The following NOTCH1 variants were observed in gnomAD, a reference collection of about 807,000 sequenced individuals.
The protein encoded by NOTCH1 is neurogenic locus notch homolog protein 1.
Under a neutral mutation model 254.8 loss-of-function variants are expected in NOTCH1, and 37 were observed. The ratio of observed to expected loss-of-function variants is 0.15; its 90% CI spans 0.11 to 0.19. NOTCH1 has a LOEUF of 0.19. Ranked by LOEUF, NOTCH1 falls within the 10% of genes least tolerant of loss-of-function variation. The probability of loss-of-function intolerance (pLI) is 1.00; values close to 1 mark genes in which losing one functional copy is unlikely to be tolerated. For synonymous variants in NOTCH1, 1,731 were observed against 1,618.1 expected, an observed-to-expected ratio of 1.07 and a Z score of -1.68; for missense variants, 2,972 against 3,708.6, an observed-to-expected ratio of 0.80 and a Z score of 5.16.
At chr9:136,504,585 A>G in intron 26 of NOTCH1, 88 bp downstream of exon 26, 1 of 1,347,712 alleles carries the variant, frequency 7.4e-7, no homozygotes, top group Non-Finnish European at 9.9e-7. Context: ...ACTGCTTGCC[A>G]TGGCGCCGGC....
Position 136,496,448 on chromosome 9 carries a change from G to A in NOTCH1, c.7291C>T (p.Arg2431Trp), listed in dbSNP as rs758410389. ...CTCGGCTCTCCACTCAGGAAGCTCC[G>A]GCCCAGGTGGCCGCTGGCTGCTGAG... ...VSSAASGHLG[R>W]SFLSGEPSQA... The change falls in exon 34 of 34, where the codon CGG becomes TGG. Residue 2431 changes from arginine to tryptophan, a missense_variant. By Grantham distance (101) the Arg-to-Trp change is moderately radical (BLOSUM62 -3). This residue lies in a region of NOTCH1 where 529 missense variants were observed against 529.2 expected (regional missense o/e 1.00). Coordinates refer to ENST00000651671, the MANE Select transcript of NOTCH1 (RefSeq NM_017617.5). 1.2e-5 allele frequency: 19 copies of A among 1,600,070 alleles called. No homozygotes were observed. The highest frequency in any genetic ancestry group is 8.3e-5 in the Admixed American group (5 of 59,972).
intron 2 of NOTCH1, among the ~76,000 whole-genome samples, chr9:136,524,839 T>C (rs1385893352): frequency 2.6e-5 from 4 of 152,108 alleles, no homozygotes; most frequent in African/African-American, 7.2e-5. Flanking sequence ...GGTTTCACCA[T>C]GTTGGCCAGG....
intron 12 of NOTCH1, 32 bp downstream of exon 12, chr9:136,515,258 T>C (rs1383116244): frequency 1.3e-6 from 2 of 1,592,812 alleles, no homozygotes; most frequent in African/African-American, 1.3e-5. Context: ...CTGAGCACAG[T>C]GCAGTCAGCC....
Position 136,511,167 on chromosome 9 carries a change from G to A in NOTCH1, c.2572C>T (p.Pro858Ser), listed in dbSNP as rs1399644834. Residue 858 changes from proline (P) to serine (S), a missense_variant, in exon 16 of 34, where the codon CCC (proline) becomes TCC (serine). Transcript: ENST00000651671. ...CCAGCCTCACCTTGCCAGCCCGTGGGGCAGACACAGGAGAAGCTCTCATAG... is the reference window on the plus strand; with the variant it reads ...CCAGCCTCACCTTGCCAGCCCGTGGAGCAGACACAGGAGAAGCTCTCATAG... ...EDYESFSCVC[P>S]TGWQGQTCEV... 6.2e-7 allele frequency: 1 copy of A among 1,612,866 alleles called. No homozygotes were observed. The highest frequency in any genetic ancestry group is 8.5e-7 in the Non-Finnish European group (1 of 1,180,004).
chr9:136,534,711 C>T (rs1052759261), intron 2 of NOTCH1, among the ~76,000 whole-genome samples: 3 of 152,170 alleles, frequency 2.0e-5, no homozygotes, highest in Non-Finnish European at 4.4e-5. Flanking sequence ...TGGCCACTCA[C>T]AGACTGTGAT....
intron 27 of NOTCH1, 170 bp downstream of exon 27, chr9:136,503,011 AG>A: frequency 1.1e-6 from 1 of 948,732 alleles, no homozygotes; most frequent in Non-Finnish European, 1.6e-6. Flanking sequence ...TGACCGCCGC[AG>A]GTGGGGGCGG....
rs751874720 is a variant in NOTCH1 at position 136,506,561 on chromosome 9, T to A, written c.3980A>T (p.Asn1327Ile). Residue 1327 changes from asparagine (N) to isoleucine (I), a missense_variant, in exon 24 of 34, where the codon AAC (asparagine) becomes ATC (isoleucine). By Grantham distance (149) the Asn-to-Ile change is moderately radical. Transcript: ENST00000651671. This position sits in a 1 kb window ranked among gnomAD's most constrained non-coding sequence, Gnocchi z 4.5. ...CTTGCAGATGAACCCGCGGGCGGTGTTGGAGGCCACGGCGCAGGTGCCCCC... is the reference window on the plus strand; with the variant it reads ...CTTGCAGATGAACCCGCGGGCGGTGATGGAGGCCACGGCGCAGGTGCCCCC... ...KNGGTCAVAS[N>I]TARGFICKCP... 6.2e-7 allele frequency: 1 copy of A among 1,609,926 alleles called. No individual in the cohort carries two copies. Among genetic ancestry groups the A allele is most frequent in the African/African-American group, 1.3e-5 (1 of 74,834 alleles).
chr9:136,543,989 G>C (rs191566757), intron 2 of NOTCH1, 35 bp downstream of exon 2: 13 of 1,545,442 alleles, frequency 8.4e-6, no homozygotes, highest in South Asian at 3.6e-5. Flanking sequence ...CTCTGCCCTC[G>C]ACAAAGCAAC....
At position 136,510,697 on chromosome 9, in the gene NOTCH1, T is replaced by C. The variant is rs1275085350; in HGVS notation, c.2696A>G (p.Tyr899Cys). The C allele has an allele frequency of 1.2e-6, 2 of 1,610,146 alleles. No individual in the cohort carries two copies. The highest frequency in any genetic ancestry group is 1.7e-5 in the Admixed American group (1 of 59,960). ...GTCGGTCTCGCAGTTGCGCCCACTG[T>C]AGCCGGCCTGGCAGTGGCAGCGGTA... ...GGYRCHCQAG[Y>C]SGRNCETDID... is the part of the protein sequence containing the mutation. The change falls in exon 17 of 34, where the codon TAC becomes TGC. Residue 899 changes from tyrosine to cysteine, a missense_variant. Tyr to Cys is a radical substitution (Grantham distance 194, BLOSUM62 -2). This residue lies in a region of NOTCH1 where 1,343 missense variants were observed against 1,557.0 expected (regional missense o/e 0.86). Coordinates refer to ENST00000651671, the MANE Select transcript of NOTCH1 (RefSeq NM_017617.5).
chr9:136,528,383 C>T, intron 2 of NOTCH1, among the ~76,000 whole-genome samples: 1 of 133,428 alleles, frequency 7.5e-6, no homozygotes, highest in African/African-American at 2.9e-5. Flanking sequence ...CAAGGATGGG[C>T]AGGGACAGTG....
Position 136,506,571 on chromosome 9 carries a change from C to T in NOTCH1, c.3970G>A (p.Val1324Met), listed in dbSNP as rs149057410. The change falls in exon 24 of 34, where the codon GTG becomes ATG. Residue 1324 changes from valine (V) to methionine (M), a missense_variant. Val to Met is a conservative substitution (Grantham distance 21). Transcript: ENST00000651671. This position sits in a 1 kb window ranked among gnomAD's most constrained non-coding sequence, Gnocchi z 4.5. Reference protein sequence around the residue: ...KPCKNGGTCAVASNTARGFIC... With the variant: ...KPCKNGGTCAMASNTARGFIC... ...AACCCGCGGGCGGTGTTGGAGGCCA[C>T]GGCGCAGGTGCCCCCATTCTTGCAG... The T allele has an allele frequency of 9.0e-5, 145 of 1,610,470 alleles. No homozygotes were observed. The African/African-American group carries it at 1.5e-3, about 17-fold the overall frequency.
chr9:136,516,115 G>A, intron 9 of NOTCH1, 21 bp from the exon 10 acceptor site: 2 of 1,567,000 alleles, frequency 1.3e-6, no homozygotes, highest in Middle Eastern at 1.7e-4. Context: ...GGAGGGGAGG[G>A]GAGGGAGTCA....
intron 26 of NOTCH1, 35 bp downstream of exon 26, chr9:136,504,638 G>A (rs1250873066): frequency 2.0e-6 from 3 of 1,483,544 alleles, no homozygotes; most frequent in Admixed American, 2.3e-5. Flanking sequence ...CAGGAGAGTT[G>A]CGGGGATTGA....
chr9:136,526,653 G>A (rs932719644), intron 2 of NOTCH1, among the ~76,000 whole-genome samples: 9 of 152,224 alleles, frequency 5.9e-5, no homozygotes, highest in African/African-American at 1.9e-4. Context: ...AATGGACCAC[G>A]ACACTCTGCC....
Position 136,513,487 on chromosome 9 carries a change from TTGA to T in NOTCH1, c.2255_2257del (p.Ile752del). 6.2e-7 allele frequency: 1 copy of T among 1,613,230 alleles called. No individual in the cohort carries two copies. Among genetic ancestry groups the T allele is most frequent in the Non-Finnish European group, 8.5e-7 (1 of 1,179,972 alleles). On this transcript the variant is annotated inframe_deletion, in exon 14 of 34. Transcript: ENST00000651671. The surrounding 1 kb of genome is among the most constrained non-coding windows in gnomAD (Gnocchi z 4.7). ...AGGGTTGGATTCACACTCATTGTTG[TTGA>T]TGTCACAGTTGGTCCCACTCCACCC...
rs533102436 is a variant in NOTCH1 at position 136,505,064 on chromosome 9, C to T, written c.4627G>A (p.Gly1543Arg). Residue 1543 changes from glycine to arginine, a missense_variant, in exon 26 of 34, where the codon GGG becomes AGG. This residue lies in a region of NOTCH1 where 1,343 missense variants were observed against 1,557.0 expected (regional missense o/e 0.86). Transcript: ENST00000651671. ...DQYCKDHFSD[G>R]HCDQGCNSAE... ...CTGTTGCAGCCCTGGTCGCAGTGCC[C>T]GTCGCTGAAGTGGTCCTTGCAGTAC... 7.4e-6 allele frequency: 12 copies of T among 1,611,066 alleles called. No homozygotes were observed. In the East Asian group the frequency reaches 1.6e-4, roughly 21 times the overall value.
At chr9:136,518,382 A>G (rs1359114991) in intron 6 of NOTCH1, 90 bp from the exon 7 acceptor site, 19 of 1,509,966 alleles carry the variant, frequency 1.3e-5, no homozygotes. Context: ...CTGACACCCC[A>G]GGAGGAGCTG....
rs1322370063 is a variant in NOTCH1, at chr9:136,523,271, G to T, written c.404-83C>A. ...TTCCCTCCCTTCAGGCCACCTGGAG[G>T]TGCCAGCCTGGGCTCCACCTTAGGT... On this transcript the variant is annotated intron_variant, in intron 3 of 33. Coordinates refer to ENST00000651671, the MANE Select transcript of NOTCH1 (RefSeq NM_017617.5). 12 of 1,376,786 alleles carry T rather than the reference G, an allele frequency of 8.7e-6. No homozygotes were observed. In the South Asian group the frequency reaches 1.5e-4, roughly 17 times the overall value. 85.3% of individuals were successfully genotyped at this position (1,376,786 alleles called of 1,614,324 possible).
In NOTCH1 at chr9:136,496,171, G is replaced by A. The variant is rs1554826328; in HGVS notation, c.7568C>T (p.Ser2523Leu). ...SPESPDQWSS[S>L]SPHSNVSDWS... is the part of the protein sequence containing the mutation. The stretch of plus-strand genomic sequence containing the variant: ...GTCGGAGACGTTGGAATGCGGGGAC[G>A]AGCTGGACCACTGGTCAGGGGACTC... The change falls in exon 34 of 34, where the codon TCG becomes TTG. Residue 2523 changes from serine (S) to leucine (L), a missense_variant. By Grantham distance (145) the Ser-to-Leu change is moderately radical. Transcript: ENST00000651671. 1.2e-6 allele frequency: 2 copies of A among 1,610,264 alleles called. No homozygotes were observed. The highest frequency in any genetic ancestry group is 2.2e-5 in the East Asian group (1 of 44,832).
Sources: gnomAD v4.1 joint callset for allele counts (sites outside exome capture counted in the v4.1 genomes callset) on GRCh38, gnomAD v4.1.1 for gene constraint, gnomAD v4.1.1 regional missense constraint, Gnocchi (gnomAD v3.1) non-coding constraint, MANE v1.5 for transcripts, NCBI Gene and HGNC (gene_info 2026-07-23, HGNC 2026-07-21) for gene names.